The following DAB1 variants were observed in gnomAD, a reference collection of about 807,000 sequenced individuals.
DAB1 encodes the protein DAB adaptor protein 1.
Under a neutral mutation model 64.6 loss-of-function variants are expected in DAB1, and 15 were observed. That is an observed-to-expected ratio of 0.23 (90% confidence interval 0.16 to 0.36). The LOEUF (loss-of-function observed/expected upper bound fraction) is 0.36. Ranked by LOEUF, DAB1 falls within the 10% of genes least tolerant of loss-of-function variation. The pLI is 1.00. For synonymous variants in DAB1, 235 were observed against 251.9 expected (o/e 0.93, Z 0.64); for missense variants, 596 against 706.7 (o/e 0.84, Z 1.78).
rs1183029385 is a variant in DAB1, at chr1:56,997,770, A to C, written c.*374T>G. 2 of 152,240 alleles carry C rather than the reference A, an allele frequency of 1.3e-5. No individual in the cohort carries two copies. Among genetic ancestry groups the C allele is most frequent in the African/African-American group, 4.8e-5 (2 of 41,468 alleles). 9.4% of individuals were successfully genotyped at this position (152,240 alleles called of 1,614,324 possible). On this transcript the variant is annotated 3_prime_UTR_variant, in exon 15 of 15. Transcript: ENST00000371236. ...GGTGTCTCAACAGTGGTCAACAGGT[A>C]GAGAAATAAAAAGGGAATTAATAAT...
chr1:57,738,135 C>A (rs911431209), intron 6 of DAB1, among the ~76,000 whole-genome samples: 1 of 152,202 alleles, frequency 6.6e-6, no homozygotes, highest in Non-Finnish European at 1.5e-5. Context: ...TGGCCCTATC[C>A]TATTTTAGCT....
At chr1:58,173,383 A>G (rs1236143367) in intron 4 of DAB1, among the ~76,000 whole-genome samples, 1 of 152,134 alleles carries the variant, frequency 6.6e-6, no homozygotes, top group Non-Finnish European at 1.5e-5. Context: ...TCCAAAAATC[A>G]TCATCTCTTC....
At chr1:57,233,937 G>A (rs1667895895) in intron 2 of DAB1, among the ~76,000 whole-genome samples, 1 of 152,110 alleles carries the variant, frequency 6.6e-6, no homozygotes, top group Admixed American at 6.6e-5. Context: ...TACATTGCCA[G>A]CTGCCAAAAC....
rs76180784 is a variant in DAB1 at position 57,836,328 on chromosome 1, A to G, written n.88-9873T>C. Among the ~76,000 whole-genome samples the G allele has an allele frequency of 2.0e-3, 307 of 152,350 alleles. 3 individuals are homozygous for G. Among genetic ancestry groups the G allele is most frequent in the African/African-American group, 7.2e-3 (299 of 41,584 alleles). ...GGTCTGAAGTGTTCCATGCCTATAT[A>G]GTTTCCAGGAAAATGGCAGCAAAGA... On this transcript the variant is annotated intron_variant and non_coding_transcript_variant, in intron 1 of 1. Coordinates refer to the DAB1 transcript ENST00000477280.
At chr1:57,890,872 A>G (rs781507618) in intron 5 of DAB1, among the ~76,000 whole-genome samples, 27 of 152,186 alleles carry the variant, frequency 1.8e-4, no homozygotes, top group Non-Finnish European at 3.2e-4. Flanking sequence ...GTTAATGAGT[A>G]TTTCTCTCTG....
intron 4 of DAB1, among the ~76,000 whole-genome samples, chr1:57,106,036 A>G (rs1655107850): frequency 6.6e-6 from 1 of 152,162 alleles, no homozygotes; most frequent in Admixed American, 6.5e-5. Context: ...CGATCTGTCA[A>G]ATGCAAAGAC....
chr1:57,472,453 G>A (rs1687172117), intron 7 of DAB1, among the ~76,000 whole-genome samples: 3 of 152,220 alleles, frequency 2.0e-5, no homozygotes, highest in Admixed American at 6.5e-5. Context: ...AAATCCAGAA[G>A]CAGACAGCCT....
intron 14 of DAB1, among the ~76,000 whole-genome samples, chr1:57,007,654 A>T (rs1280702943): frequency 6.6e-6 from 1 of 152,216 alleles, no homozygotes; most frequent in African/African-American, 2.4e-5. Flanking sequence ...GCTTTAGCTT[A>T]TCAACAGATG....
At chr1:57,134,651 T>A (rs957161128) in intron 4 of DAB1, among the ~76,000 whole-genome samples, 1 of 152,016 alleles carries the variant, frequency 6.6e-6, no homozygotes. Context: ...AACCTGCACA[T>A]GTACCCCTGA....
At chr1:58,373,597 A>G (rs954827959) in intron 3 of DAB1, among the ~76,000 whole-genome samples, 1 of 151,848 alleles carries the variant, frequency 6.6e-6, no homozygotes, top group African/African-American at 2.4e-5. Flanking sequence ...GTTGGTTCCA[A>G]GTCTTTGCTA....
chr1:57,452,455 A>G (rs907669167), intron 7 of DAB1, among the ~76,000 whole-genome samples: 10 of 152,114 alleles, frequency 6.6e-5, no homozygotes, highest in African/African-American at 1.9e-4. Context: ...CAAGTTATCA[A>G]AATGAGAAAG....
At chr1:57,559,998 A>G (rs185396480) in intron 7 of DAB1, among the ~76,000 whole-genome samples, 2 of 152,336 alleles carry the variant, frequency 1.3e-5, no homozygotes, top group African/African-American at 2.4e-5. Context: ...GGATTATTGT[A>G]AGCTTAACCA....
rs578190016 is a variant in DAB1 at position 57,306,385 on chromosome 1, C to A, written c.-136-15219G>T. 1.1e-4 allele frequency among the ~76,000 whole-genome samples: 17 copies of A among 152,258 alleles called. No individual in the cohort carries two copies. The Middle Eastern group carries it at 0.01, about 91-fold the overall frequency. On this transcript the variant is annotated intron_variant, in intron 1 of 14. Coordinates refer to ENST00000371236, the MANE Select transcript of DAB1 (RefSeq NM_001365792.1). ...GTTCTAATAAGATGCAAGAAAGCTC[C>A]ACATATATATTAGCTGATAAATAAA...
At chr1:57,423,563 A>G (rs936016080) in intron 1 of DAB1, among the ~76,000 whole-genome samples, 1 of 151,948 alleles carries the variant, frequency 6.6e-6, no homozygotes, top group Admixed American at 6.6e-5. Flanking sequence ...GGTCCGATAT[A>G]GCCAGGACCG....
intron 7 of DAB1, among the ~76,000 whole-genome samples, chr1:57,638,197 A>G (rs940588642): frequency 1.3e-5 from 2 of 152,200 alleles, no homozygotes; most frequent in African/African-American, 4.8e-5. Context: ...GATTAGTTTT[A>G]ACATTAAAAT....
intron 3 of DAB1, among the ~76,000 whole-genome samples, chr1:58,500,303 T>G (rs1260418546): frequency 6.6e-6 from 1 of 152,160 alleles, no homozygotes; most frequent in African/African-American, 2.4e-5. Flanking sequence ...CAACACTCTC[T>G]ATGTCAGACA....
intron 1 of DAB1, among the ~76,000 whole-genome samples, chr1:57,318,093 G>A (rs568739673): frequency 1.3e-4 from 18 of 139,098 alleles, no homozygotes; most frequent in East Asian, 1.1e-3. Flanking sequence ...TCTACAAATC[G>A]CACACAGCAT....
At chr1:58,430,311 G>C (rs1348147152) in intron 3 of DAB1, among the ~76,000 whole-genome samples, 3 of 152,214 alleles carry the variant, frequency 2.0e-5, no homozygotes, top group African/African-American at 7.2e-5. Context: ...TCTTGACAGA[G>C]AGTGCAAACT....
At chr1:58,311,557 T>C (rs1181819274) in intron 4 of DAB1, among the ~76,000 whole-genome samples, 1 of 152,156 alleles carries the variant, frequency 6.6e-6, no homozygotes, top group Non-Finnish European at 1.5e-5. Flanking sequence ...GGCCTGGCCA[T>C]TTCTACCCAG....
Sources: allele counts gnomAD v4.1 joint callset (sites outside exome capture counted in the v4.1 genomes callset), GRCh38; gene constraint gnomAD v4.1.1; transcripts MANE v1.5; gene names NCBI Gene and HGNC (gene_info 2026-07-23, HGNC 2026-07-21).